STAU1: variants seen among roughly 807,000 people sequenced by gnomAD.
STAU1 encodes double-stranded RNA-binding protein Staufen homolog 1.
Under a neutral mutation model 62.9 loss-of-function variants are expected in STAU1, and 13 were observed. That is an observed-to-expected ratio of 0.21 (90% CI 0.13 to 0.33). The LOEUF (loss-of-function observed/expected upper bound fraction) is 0.33. STAU1 is among the 10% of genes least tolerant of loss of function. The pLI, the probability that STAU1 is intolerant of heterozygous loss-of-function variation, is 1.00. For synonymous variants in STAU1, 269 were observed against 265.1 expected (o/e 1.01, Z -0.14); for missense variants, 571 against 712.1 (o/e 0.80, Z 2.25).
the STAU1 span, among the ~76,000 whole-genome samples, chr20:49,210,992 G>A: frequency 6.6e-6 from 1 of 151,590 alleles, no homozygotes; most frequent in Non-Finnish European, 1.5e-5. Flanking sequence ...CCACATTTCT[G>A]GCAACTACCA....
At chr20:49,118,203 G>A (rs1049722284) in intron 10 of STAU1, 107 bp from the exon 11 acceptor site, 19 of 1,381,424 alleles carry the variant, frequency 1.4e-5, no homozygotes, top group South Asian at 1.1e-4. Flanking sequence ...GCATGGCAGC[G>A]CAGGGAATCA....
At chr20:49,185,160 A>G (rs1476774042) in intron 1 of STAU1, among the ~76,000 whole-genome samples, 2 of 152,242 alleles carry the variant, frequency 1.3e-5, no homozygotes, top group Non-Finnish European at 2.9e-5. Flanking sequence ...CTTTTGCTTA[A>G]TTCTTAACCT....
intron 3 of STAU1, among the ~76,000 whole-genome samples, chr20:49,156,674 AGAAAT>A (rs1266279803): frequency 6.6e-6 from 1 of 152,140 alleles, no homozygotes; most frequent in Non-Finnish European, 1.5e-5. Context: ...GTAAATTCCT[AGAAAT>A]GAAAAGTGTG....
At chr20:49,164,588 C>G (rs1363029537) in intron 3 of STAU1, among the ~76,000 whole-genome samples, 1 of 151,996 alleles carries the variant, frequency 6.6e-6, no homozygotes, top group East Asian at 1.9e-4. Context: ...CCACGCCTGG[C>G]CATGACGCAG....
At chr20:49,146,122 T>C (rs1177387899) in intron 5 of STAU1, among the ~76,000 whole-genome samples, 2 of 151,872 alleles carry the variant, frequency 1.3e-5, no homozygotes, top group Non-Finnish European at 2.9e-5. Context: ...ATACAAAAAT[T>C]AGGTGTGGTG....
At chr20:49,217,488 TC>T in the STAU1 span, among the ~76,000 whole-genome samples, 1 of 152,020 alleles carries the variant, frequency 6.6e-6, no homozygotes, top group Non-Finnish European at 1.5e-5. Context: ...AAACTTGTGT[TC>T]CCCAGTACCA....
the STAU1 span, among the ~76,000 whole-genome samples, chr20:49,193,633 T>C: frequency 1.4e-3 from 208 of 151,856 alleles, no homozygotes; most frequent in Non-Finnish European, 2.6e-3. Flanking sequence ...ATCATACCAC[T>C]GCAACTCCAG....
chr20:49,203,078 T>A, the STAU1 span, among the ~76,000 whole-genome samples: 1 of 151,350 alleles, frequency 6.6e-6, no homozygotes, highest in Non-Finnish European at 1.5e-5. Flanking sequence ...TAGAATAAGA[T>A]CAAATTAAAC....
intron 6 of STAU1, 160 bp from the exon 7 acceptor site, chr20:49,124,747 TTTC>T: frequency 1.4e-6 from 1 of 727,872 alleles, no homozygotes. Flanking sequence ...CTTTCTCGCC[TTTC>T]TTCTTACTTC....
chr20:49,195,932 A>AC, the STAU1 span, among the ~76,000 whole-genome samples: 2 of 147,306 alleles, frequency 1.4e-5, no homozygotes, highest in African/African-American at 4.9e-5. Flanking sequence ...AAAGAAAAAA[A>AC]AAAAACAAAG....
chr20:49,208,223 C>A, the STAU1 span, among the ~76,000 whole-genome samples: 1 of 152,094 alleles, frequency 6.6e-6, no homozygotes, highest in Non-Finnish European at 1.5e-5. Context: ...CCAAGCCCAG[C>A]TAATTTTTGT....
intron 1 of STAU1, among the ~76,000 whole-genome samples, chr20:49,179,594 G>A (rs1377985757): frequency 1.3e-5 from 2 of 152,206 alleles, no homozygotes; most frequent in Non-Finnish European, 2.9e-5. Context: ...TTCTGACAGA[G>A]GAAAGGACTG....
At chr20:49,152,703 T>C (rs772128151) in intron 4 of STAU1, among the ~76,000 whole-genome samples, 37 of 152,230 alleles carry the variant, frequency 2.4e-4, no homozygotes, top group Non-Finnish European at 2.5e-4. Flanking sequence ...AGGTTTCAAT[T>C]AATATTTTAT....
the STAU1 span, among the ~76,000 whole-genome samples, chr20:49,212,546 T>A: frequency 6.6e-6 from 1 of 151,852 alleles, no homozygotes; most frequent in African/African-American, 2.4e-5. Context: ...TTGTTTGGTT[T>A]GTAGTTGTTG....
chr20:49,138,211 G>C (rs1236259448), intron 5 of STAU1, among the ~76,000 whole-genome samples: 1 of 152,082 alleles, frequency 6.6e-6, no homozygotes, highest in Non-Finnish European at 1.5e-5. Flanking sequence ...TGAGCCTAGG[G>C]TGTTGAGGCT....
intron 6 of STAU1, among the ~76,000 whole-genome samples, chr20:49,128,462 G>A (rs1023551059): frequency 5.9e-5 from 9 of 152,134 alleles, no homozygotes; most frequent in Non-Finnish European, 8.8e-5. Flanking sequence ...CTCCCAATTA[G>A]AAGGAACCGG....
At chr20:49,161,709 G>A (rs922684329) in intron 3 of STAU1, among the ~76,000 whole-genome samples, 3 of 152,182 alleles carry the variant, frequency 2.0e-5, no homozygotes, top group African/African-American at 7.2e-5. Flanking sequence ...TAAGAGCACT[G>A]AAGTCAACTA....
At chr20:49,142,948 A>G (rs2093041782) in intron 5 of STAU1, among the ~76,000 whole-genome samples, 1 of 152,066 alleles carries the variant, frequency 6.6e-6, no homozygotes, top group Admixed American at 6.6e-5. Flanking sequence ...GACTACAGGT[A>G]CATGCCACCA....
At chr20:49,121,563 CGTT>C (rs1285637693) in intron 8 of STAU1, among the ~76,000 whole-genome samples, 1 of 152,134 alleles carries the variant, frequency 6.6e-6, no homozygotes, top group East Asian at 1.9e-4. Context: ...ATAACACTAT[CGTT>C]GGTAACTGTC....
Sources: gnomAD v4.1 joint callset for allele counts (sites outside exome capture counted in the v4.1 genomes callset) on GRCh38, gnomAD v4.1.1 for gene constraint, MANE v1.5 for transcripts, NCBI Gene and HGNC (gene_info 2026-07-23, HGNC 2026-07-21) for gene names.